Variants in CAMTA1 observed in about 807,000 individuals in gnomAD.
CAMTA1 encodes the protein calmodulin binding transcription activator 1.
A neutral mutation model predicts 170.9 loss-of-function variants in CAMTA1; 27 were observed. That is an observed-to-expected ratio of 0.16 (90% CI 0.12 to 0.22). CAMTA1 has a LOEUF of 0.22. CAMTA1 is among the 10% of genes least tolerant of loss of function. CAMTA1 has a pLI of 1.00. For missense variants in CAMTA1, 1,619 were observed against 2,217.2 expected, an observed-to-expected ratio of 0.73 and a Z score of 5.42; for synonymous variants, 833 against 891.5, an observed-to-expected ratio of 0.93 and a Z score of 1.17.
intron 5 of CAMTA1, among the ~76,000 whole-genome samples, chr1:7,415,106 G>A (rs1431389682): frequency 6.6e-6 from 1 of 152,158 alleles, no homozygotes; most frequent in Admixed American, 6.6e-5. Flanking sequence ...TAGTTTGATT[G>A]CACTGTGGTC....
intron 5 of CAMTA1, among the ~76,000 whole-genome samples, chr1:7,379,302 G>C (rs963416312): frequency 3.9e-5 from 6 of 152,212 alleles, no homozygotes; most frequent in African/African-American, 1.4e-4. Context: ...TGTCGCAGGA[G>C]ACTTGCTGTT....
chr1:6,958,496 C>T (rs1689849004), intron 3 of CAMTA1, among the ~76,000 whole-genome samples: 1 of 152,218 alleles, frequency 6.6e-6, no homozygotes, highest in Non-Finnish European at 1.5e-5. Context: ...GACCTGTCCA[C>T]ACAACAGATT....
intron 3 of CAMTA1, among the ~76,000 whole-genome samples, chr1:6,995,295 C>CTTTTCTTTTT (rs1697047615): frequency 4.9e-5 from 3 of 60,624 alleles, no homozygotes; most frequent in East Asian, 5.6e-4. Context: ...TTTTTCTTTT[C>CTTTTCTTTTT]TTTTTTTTTT....
chr1:7,351,530 C>T (rs573629487), intron 5 of CAMTA1, among the ~76,000 whole-genome samples: 2 of 152,328 alleles, frequency 1.3e-5, no homozygotes, highest in East Asian at 1.9e-4. Flanking sequence ...CTCTGCCCAG[C>T]GTGGAGGTCA....
chr1:6,883,795 C>T lies in CAMTA1; in HGVS notation c.234+58585C>T, dbSNP rs189888325. On this transcript the variant is annotated intron_variant, in intron 3 of 22. Transcript: ENST00000303635. ...GTACAGTAGCAGTGTCAGTGAGTCA[C>T]GTGTAATTTTTAATGTTCTAGTAAC... Among the ~76,000 whole-genome samples, 650 of 151,746 alleles carry T rather than the reference C, an allele frequency of 4.3e-3. 2 individuals carry two copies. The highest frequency in any genetic ancestry group is 5.2e-3 in the Non-Finnish European group (356 of 67,910).
chr1:7,035,082 C>A (rs1703391968), intron 3 of CAMTA1, among the ~76,000 whole-genome samples: 1 of 152,120 alleles, frequency 6.6e-6, no homozygotes, highest in Non-Finnish European at 1.5e-5. Flanking sequence ...ACCACAGTTA[C>A]TTTTGCACCA....
intron 5 of CAMTA1, among the ~76,000 whole-genome samples, chr1:7,309,111 A>G (rs903461732): frequency 2.0e-5 from 3 of 151,890 alleles, no homozygotes; most frequent in Admixed American, 2.0e-4. Context: ...TAATATAGCC[A>G]CTCAAACTTT....
At chr1:6,977,480 A>G (rs1693659799) in intron 3 of CAMTA1, among the ~76,000 whole-genome samples, 1 of 152,102 alleles carries the variant, frequency 6.6e-6, no homozygotes, top group Admixed American at 6.6e-5. Context: ...AGCTGGGACT[A>G]CACGTGCGTG....
At chr1:7,397,060 GA>G (rs1392157025) in intron 5 of CAMTA1, among the ~76,000 whole-genome samples, 13 of 152,080 alleles carry the variant, frequency 8.5e-5, no homozygotes, top group African/African-American at 3.1e-4. Flanking sequence ...GAATCGTTTG[GA>G]AAACATTGGT....
intron 1 of CAMTA1, among the ~76,000 whole-genome samples, chr1:6,791,176 G>A (rs1262443970): frequency 7.0e-6 from 1 of 142,256 alleles, no homozygotes; most frequent in Non-Finnish European, 1.5e-5. Context: ...TCTTTTCTTC[G>A]GCCTTTCCTT....
intron 5 of CAMTA1, among the ~76,000 whole-genome samples, chr1:7,383,895 C>G (rs961160809): frequency 1.3e-5 from 2 of 152,046 alleles, no homozygotes. Flanking sequence ...ACCCTCGGTG[C>G]GGGTATGCAG....
intron 6 of CAMTA1, among the ~76,000 whole-genome samples, chr1:7,541,791 C>T (rs1166753653): frequency 2.0e-5 from 3 of 152,202 alleles, no homozygotes; most frequent in Non-Finnish European, 4.4e-5. Flanking sequence ...CACAGGGGTT[C>T]TGGTGAACTC....
chr1:7,450,142 G>T (rs2092788626), intron 5 of CAMTA1, among the ~76,000 whole-genome samples: 1 of 152,164 alleles, frequency 6.6e-6, no homozygotes, highest in East Asian at 1.9e-4. Flanking sequence ...CAAGCCATGG[G>T]TCTGAATCCC....
Position 7,663,406 on chromosome 1 carries a change from T to C in CAMTA1, c.859T>C (p.Ser287Pro). The change falls in exon 9 of 23, where the codon TCG becomes CCG. Residue 287 changes from serine to proline, a missense_variant. By Grantham distance (74) the Ser-to-Pro change is moderately conservative. Transcript: ENST00000303635. ...KCNSAKHRII[S>P]PKVEPRTGGY... ...TAACAGCGCCAAACACCGCATCATC[T>C]CGCCCAAGGTGGAGCCACGGACAGG... 6.5e-7 allele frequency: 1 copy of C among 1,547,414 alleles called. No homozygotes were observed.
intron 5 of CAMTA1, among the ~76,000 whole-genome samples, chr1:7,288,878 T>TC (rs1672715474): frequency 6.6e-6 from 1 of 152,186 alleles, no homozygotes; most frequent in Non-Finnish European, 1.5e-5. Context: ...ATTAGTCTGT[T>TC]CTTGTATTAC....
At chr1:7,175,690 C>T (rs1464536097) in intron 4 of CAMTA1, among the ~76,000 whole-genome samples, 2 of 152,218 alleles carry the variant, frequency 1.3e-5, no homozygotes, top group African/African-American at 2.4e-5. Context: ...GGGATCAAAC[C>T]GTTAGTCCAT....
chr1:7,402,184 GAA>G (rs2089951866), intron 5 of CAMTA1, among the ~76,000 whole-genome samples: 2 of 152,112 alleles, frequency 1.3e-5, no homozygotes, highest in Non-Finnish European at 2.9e-5. Flanking sequence ...TACATGTTGG[GAA>G]AAAGAGATAA....
At chr1:7,542,768 A>T (rs765262999) in intron 6 of CAMTA1, among the ~76,000 whole-genome samples, 9 of 151,714 alleles carry the variant, frequency 5.9e-5, no homozygotes, top group African/African-American at 9.7e-5. Context: ...GCCTCAAGTG[A>T]ATCTGCCCGC....
At chr1:7,626,959 C>T (rs2095637913) in intron 6 of CAMTA1, among the ~76,000 whole-genome samples, 1 of 152,152 alleles carries the variant, frequency 6.6e-6, no homozygotes, top group African/African-American at 2.4e-5. Flanking sequence ...AGAGAAGGGG[C>T]TGGAGGCACT....
Sources: allele counts gnomAD v4.1 joint callset (sites outside exome capture counted in the v4.1 genomes callset), GRCh38; gene constraint gnomAD v4.1.1; transcripts MANE v1.5; gene names NCBI Gene and HGNC (gene_info 2026-07-23, HGNC 2026-07-21).